Variants in CCSER1 observed in about 807,000 individuals in gnomAD.
The protein encoded by CCSER1 is coiled-coil serine rich protein 1.
In CCSER1, 41 loss-of-function variants were observed where a neutral mutation model predicts 82.0. That is an observed-to-expected ratio of 0.50 (90% CI 0.39 to 0.65). The LOEUF (loss-of-function observed/expected upper bound fraction) is 0.65. Among genes scored for constraint, CCSER1 ranks in the 30% least tolerant of loss-of-function variants. The pLI is 0.00. For synonymous variants in CCSER1, 414 were observed against 383.9 expected (o/e 1.08, Z -0.92); for missense variants, 1,119 against 1,064.2 (o/e 1.05, Z -0.72).
intron 8 of CCSER1, chr4:90,838,756 A>T: frequency 3.6e-6 from 4 of 1,126,230 alleles, no homozygotes; most frequent in South Asian, 2.6e-5. Context: ...CTTCGTTGTC[A>T]GTAGTTCTTT....
At chr4:91,100,148 G>A (rs1724910763) in intron 10 of CCSER1, among the ~76,000 whole-genome samples, 1 of 151,598 alleles carries the variant, frequency 6.6e-6, no homozygotes, top group Admixed American at 6.6e-5. Flanking sequence ...TGATTTGTAG[G>A]GCATGACTCC....
chr4:90,378,772 A>G (rs1234382814), intron 3 of CCSER1, among the ~76,000 whole-genome samples: 2 of 152,214 alleles, frequency 1.3e-5, no homozygotes, highest in Non-Finnish European at 2.9e-5. Flanking sequence ...TTAGCAAAAT[A>G]GTACATTATA....
At chr4:90,519,239 T>G (rs1046057139) in intron 5 of CCSER1, among the ~76,000 whole-genome samples, 7 of 151,770 alleles carry the variant, frequency 4.6e-5, no homozygotes, top group African/African-American at 1.4e-4. Flanking sequence ...AGTTTTTTAT[T>G]AAAAAACAGC....
chr4:90,742,637 C>A (rs1746732099), intron 7 of CCSER1, among the ~76,000 whole-genome samples: 1 of 152,080 alleles, frequency 6.6e-6, no homozygotes, highest in African/African-American at 2.4e-5. Context: ...AAATAACTTT[C>A]AATTGTTTAG....
intron 10 of CCSER1, among the ~76,000 whole-genome samples, chr4:91,476,626 A>G (rs1757613328): frequency 1.3e-5 from 2 of 151,778 alleles, no homozygotes; most frequent in African/African-American, 4.8e-5. Context: ...AGCTGGAGAC[A>G]TCATATTACC....
At chr4:90,625,377 G>A (rs990685555) in intron 5 of CCSER1, among the ~76,000 whole-genome samples, 1 of 152,068 alleles carries the variant, frequency 6.6e-6, no homozygotes, top group Admixed American at 6.6e-5. Context: ...TAAACCATGG[G>A]CACCAACCAA....
At chr4:90,155,021 A>G (rs1012395106) in intron 1 of CCSER1, among the ~76,000 whole-genome samples, 4 of 152,182 alleles carry the variant, frequency 2.6e-5, no homozygotes, top group African/African-American at 4.8e-5. Context: ...TGGGTTTGTC[A>G]TAGATAGCTC....
At chr4:91,297,369 G>GTGTGTATGTGTGTGTA (rs1744271874) in intron 10 of CCSER1, among the ~76,000 whole-genome samples, 1 of 99,536 alleles carries the variant, frequency 1.0e-5, no homozygotes, top group Non-Finnish European at 2.1e-5. Context: ...GGATGCTTGT[G>GTGTGTATGTGTGTGTA]TGTGTGTGTG....
At chr4:91,115,318 CTTTTTTTCTTTCT>C (rs1726453199) in intron 10 of CCSER1, among the ~76,000 whole-genome samples, 1 of 151,960 alleles carries the variant, frequency 6.6e-6, no homozygotes, top group Non-Finnish European at 1.5e-5. Flanking sequence ...AACATCAAAT[CTTTTTTTCTTTCT>C]TTTTTTTCTT....
At chr4:91,080,141 C>T (rs1007865510) in intron 9 of CCSER1, among the ~76,000 whole-genome samples, 1 of 152,112 alleles carries the variant, frequency 6.6e-6, no homozygotes, top group East Asian at 1.9e-4. Flanking sequence ...ATCACACTTA[C>T]TCCAATATTG....
At chr4:91,192,624 C>A (rs961067070) in intron 10 of CCSER1, among the ~76,000 whole-genome samples, 6 of 152,096 alleles carry the variant, frequency 3.9e-5, no homozygotes, top group Non-Finnish European at 7.4e-5. Context: ...TTCCTCTTTG[C>A]CCCTCTCCTT....
At chr4:90,918,428 G>T (rs556826289) in intron 8 of CCSER1, 93 of 360,684 alleles carry the variant, frequency 2.6e-4, no homozygotes, top group African/African-American at 1.2e-3. Flanking sequence ...TGGAGTAAAA[G>T]ACATTAGATA....
chr4:91,307,941 T>C (rs1348815874), intron 10 of CCSER1, among the ~76,000 whole-genome samples: 1 of 148,500 alleles, frequency 6.7e-6, no homozygotes, highest in Non-Finnish European at 1.5e-5. Context: ...TGTAATCTTA[T>C]GTTTTCCTCA....
chr4:91,568,804 ATTT>A (rs111893188), intron 10 of CCSER1, among the ~76,000 whole-genome samples: 5,185 of 151,306 alleles, frequency 0.034, 184 homozygotes, highest in South Asian at 0.16. Context: ...AATCTTGATG[ATTT>A]TTTTTTCTAT....
intron 6 of CCSER1, among the ~76,000 whole-genome samples, chr4:90,669,691 A>T (rs1485928253): frequency 6.6e-6 from 1 of 152,102 alleles, no homozygotes; most frequent in Non-Finnish European, 1.5e-5. Flanking sequence ...TGAATGAATC[A>T]TGTCACCTTC....
chr4:90,602,922 C>G (rs1174068749), intron 5 of CCSER1, among the ~76,000 whole-genome samples: 2 of 152,176 alleles, frequency 1.3e-5, no homozygotes, highest in African/African-American at 4.8e-5. Flanking sequence ...TAGAGGTAGA[C>G]ACTACCTTTG....
intron 8 of CCSER1, among the ~76,000 whole-genome samples, chr4:90,891,557 G>A (rs1021514203): frequency 6.6e-6 from 1 of 151,894 alleles, no homozygotes; most frequent in Non-Finnish European, 1.5e-5. Flanking sequence ...CAGATCAGCT[G>A]AATGATATAA....
At chr4:90,871,424 C>T (rs1766484523) in intron 8 of CCSER1, among the ~76,000 whole-genome samples, 1 of 151,822 alleles carries the variant, frequency 6.6e-6, no homozygotes, top group African/African-American at 2.4e-5. Flanking sequence ...CTCATTGACC[C>T]AGTGGTCATT....
chr4:91,112,775 A>C (rs1401426212), intron 10 of CCSER1: 1 of 152,170 alleles, frequency 6.6e-6, no homozygotes, highest in Admixed American at 6.6e-5. Context: ...GTCCTCTTCC[A>C]TCTTCAGCCT....
Sources: allele counts gnomAD v4.1 joint callset (sites outside exome capture counted in the v4.1 genomes callset), GRCh38; gene constraint gnomAD v4.1.1; transcripts MANE v1.5; gene names NCBI Gene and HGNC (gene_info 2026-07-23, HGNC 2026-07-21).